The following CNTN4 variants were observed in gnomAD, a reference collection of about 807,000 sequenced individuals.
CNTN4 encodes contactin-4.
CNTN4 carries 77 observed loss-of-function variants against 122.5 expected under a neutral mutation model. That is an observed-to-expected ratio of 0.63 (90% CI 0.52 to 0.76). The LOEUF (loss-of-function observed/expected upper bound fraction) is 0.76. Among genes scored for constraint, CNTN4 ranks in the 30% least tolerant of loss-of-function variants. The pLI is 0.00. For missense variants in CNTN4, 1,256 were observed against 1,259.1 expected, an observed-to-expected ratio of 1.00 and a Z score of 0.04; for synonymous variants, 512 against 447.0, an observed-to-expected ratio of 1.15 and a Z score of -1.83.
chr3:2,492,607 A>G (rs774865859), intron 3 of CNTN4, among the ~76,000 whole-genome samples: 57 of 152,100 alleles, frequency 3.7e-4, no homozygotes, highest in Non-Finnish European at 7.1e-4. Context: ...TGTAATAGAT[A>G]TTTTTTACTC....
At position 2,685,397 on chromosome 3, in the gene CNTN4, A is replaced by G. The variant is rs555369470; in HGVS notation, c.56-50818A>G. On this transcript the variant is annotated intron_variant, in intron 4 of 24. Transcript: ENST00000418658. ...ATACACGTAAATCCCCAAGGAAACC[A>G]AAGGGAGCAGTATAATTCTTTACCT... 8.5e-5 allele frequency among the ~76,000 whole-genome samples: 13 copies of G among 152,300 alleles called. No homozygotes were observed. In the East Asian group the frequency reaches 2.3e-3, roughly 27 times the overall value.
At chr3:2,941,072 G>A (rs2094610499) in intron 13 of CNTN4, among the ~76,000 whole-genome samples, 1 of 152,168 alleles carries the variant, frequency 6.6e-6, no homozygotes, top group South Asian at 2.1e-4. Flanking sequence ...ATGTTTTTCA[G>A]GTGAATGCAA....
In CNTN4 at chr3:2,481,847, G is replaced by A. The variant is rs369886942; in HGVS notation, c.-88-89569G>A. Reference sequence around the variant, plus strand: ...GCTAGCACTCATTCTCTCTCCTGCCGCCCTGTGAAGAGGGGCCTCCATGCC... The same window carrying A: ...GCTAGCACTCATTCTCTCTCCTGCCACCCTGTGAAGAGGGGCCTCCATGCC... On this transcript the variant is annotated intron_variant, in intron 3 of 24. Transcript: ENST00000418658. Among the ~76,000 whole-genome samples the A allele has an allele frequency of 4.5e-4, 69 of 152,144 alleles. 1 individual carries two copies. The highest frequency in any genetic ancestry group is 1.1e-3 in the African/African-American group (44 of 41,498).
chr3:2,511,602 C>G (rs926130653), intron 3 of CNTN4: 2 of 152,220 alleles, frequency 1.3e-5, no homozygotes, highest in African/African-American at 2.4e-5. Flanking sequence ...CGTGGATGAT[C>G]AGTGTAGTGG....
At chr3:2,117,394 T>C (rs1205300714) in intron 2 of CNTN4, among the ~76,000 whole-genome samples, 1 of 152,200 alleles carries the variant, frequency 6.6e-6, no homozygotes, top group East Asian at 1.9e-4. Flanking sequence ...ACCTTTTGTG[T>C]TAAGCTGTCT....
At chr3:2,259,385 A>G (rs2149735384) in intron 2 of CNTN4, among the ~76,000 whole-genome samples, 1 of 152,326 alleles carries the variant, frequency 6.6e-6, no homozygotes, top group African/African-American at 2.4e-5. Flanking sequence ...ATGATGGGGA[A>G]ACTAATCTCA....
chr3:2,691,991 G>A (rs116379610), intron 4 of CNTN4, among the ~76,000 whole-genome samples: 173 of 152,270 alleles, frequency 1.1e-3, no homozygotes, highest in South Asian at 2.9e-3. Flanking sequence ...TGCAGAGTAT[G>A]CAGGTGTGAT....
intron 4 of CNTN4, among the ~76,000 whole-genome samples, chr3:2,594,589 TTA>T (rs1166598625): frequency 6.6e-6 from 1 of 152,014 alleles, no homozygotes; most frequent in Non-Finnish European, 1.5e-5. Context: ...CGGCTAATAT[TTA>T]TGTTTTTTTT....
rs186862942 is a variant in CNTN4 at position 3,045,976 on chromosome 3, C to T, written c.2811+2272C>T. Among the ~76,000 whole-genome samples the T allele has an allele frequency of 9.1e-3, 1,391 of 152,176 alleles. 33 individuals carry two copies. The highest frequency in any genetic ancestry group is 0.031 in the African/African-American group (1,307 of 41,538). The stretch of plus-strand genomic sequence containing the variant: ...AAACCATGGCACGAGAACTACATGA[C>T]GAAGGCACAAGCTTCAGTAGCCAAT... On this transcript the variant is annotated intron_variant, in intron 23 of 24. Transcript: ENST00000418658.
At chr3:2,686,988 G>C (rs2085464574) in intron 4 of CNTN4, among the ~76,000 whole-genome samples, 1 of 152,134 alleles carries the variant, frequency 6.6e-6, no homozygotes, top group Non-Finnish European at 1.5e-5. Context: ...CCAAGCTAAA[G>C]ATTTAGGTTT....
At chr3:2,200,854 G>C (rs2038065595) in intron 2 of CNTN4, among the ~76,000 whole-genome samples, 1 of 152,136 alleles carries the variant, frequency 6.6e-6, no homozygotes, top group African/African-American at 2.4e-5. Context: ...GAGAAGCAGA[G>C]AAGAATTGAA....
chr3:3,035,332 G>A (rs1699512456), intron 17 of CNTN4, among the ~76,000 whole-genome samples: 1 of 149,690 alleles, frequency 6.7e-6, no homozygotes, highest in Non-Finnish European at 1.5e-5. Flanking sequence ...AAAGTCTGTT[G>A]TGCTGGTTGT....
intron 6 of CNTN4, among the ~76,000 whole-genome samples, chr3:2,802,752 T>C (rs1017203375): frequency 6.6e-6 from 1 of 152,134 alleles, no homozygotes; most frequent in Non-Finnish European, 1.5e-5. Flanking sequence ...CAGCCAGTAA[T>C]GTAAATTGAC....
chr3:2,358,519 A>C (rs889430253), intron 3 of CNTN4, among the ~76,000 whole-genome samples: 1 of 151,906 alleles, frequency 6.6e-6, no homozygotes, highest in Non-Finnish European at 1.5e-5. Context: ...TTGTAATCAA[A>C]ACTGAACGAT....
At chr3:2,542,914 T>C (rs1270198268) in intron 3 of CNTN4, among the ~76,000 whole-genome samples, 1 of 152,104 alleles carries the variant, frequency 6.6e-6, no homozygotes, top group Non-Finnish European at 1.5e-5. Context: ...GTATTCATGA[T>C]GGCCTTGAAA....
At chr3:2,369,717 C>G (rs1248694680) in intron 3 of CNTN4, among the ~76,000 whole-genome samples, 1 of 152,074 alleles carries the variant, frequency 6.6e-6, no homozygotes, top group African/African-American at 2.4e-5. Flanking sequence ...GCGCGAGGTT[C>G]TTCTCTGAAG....
chr3:2,779,861 G>T (rs2091497245), intron 6 of CNTN4, among the ~76,000 whole-genome samples: 1 of 152,144 alleles, frequency 6.6e-6, no homozygotes, highest in Non-Finnish European at 1.5e-5. Flanking sequence ...AAGATAATTG[G>T]CTAATAGAGT....
chr3:2,597,406 T>C (rs1267943181), intron 4 of CNTN4, among the ~76,000 whole-genome samples: 1 of 152,208 alleles, frequency 6.6e-6, no homozygotes, highest in Non-Finnish European at 1.5e-5. Flanking sequence ...TCAAGGGCCT[T>C]TGGCAGGGAG....
intron 4 of CNTN4, among the ~76,000 whole-genome samples, chr3:2,663,035 G>C (rs2083976761): frequency 6.6e-6 from 1 of 151,950 alleles, no homozygotes; most frequent in Non-Finnish European, 1.5e-5. Context: ...CCAAGAGGCA[G>C]AAGTTGCAGT....
Sources: allele counts gnomAD v4.1 joint callset (sites outside exome capture counted in the v4.1 genomes callset), GRCh38; gene constraint gnomAD v4.1.1; transcripts MANE v1.5; gene names NCBI Gene and HGNC (gene_info 2026-07-23, HGNC 2026-07-21).